The following BANP variants were observed in gnomAD, a reference collection of about 807,000 sequenced individuals.
The protein encoded by BANP is BTG3 associated nuclear protein.
A neutral mutation model predicts 68.1 loss-of-function variants in BANP; 11 were observed. That is an observed-to-expected ratio of 0.16 (90% CI 0.10 to 0.27). The LOEUF (loss-of-function observed/expected upper bound fraction) is 0.27, where lower values mean the gene tolerates loss of function less well. BANP is among the 10% of genes least tolerant of loss of function. BANP has a pLI of 1.00. For missense variants in BANP, 504 were observed against 722.7 expected, an observed-to-expected ratio of 0.70 and a Z score of 3.47; for synonymous variants, 329 against 303.2, an observed-to-expected ratio of 1.09 and a Z score of -0.88.
intron 3 of BANP, among the ~76,000 whole-genome samples, chr16:87,981,612 A>G (rs558102830): frequency 7.9e-5 from 12 of 152,382 alleles, no homozygotes; most frequent in Non-Finnish European, 1.6e-4. Flanking sequence ...ATGTGGCTAT[A>G]TCACCAGGCA....
At chr16:87,977,451 C>A (rs1204026938) in intron 2 of BANP, among the ~76,000 whole-genome samples, 16 of 151,836 alleles carry the variant, frequency 1.1e-4, no homozygotes, top group Admixed American at 8.5e-4. Flanking sequence ...GTGCACAGAG[C>A]TCCGAGGCCT....
intron 3 of BANP, 91 bp downstream of exon 3, chr16:87,981,218 A>G: frequency 1.1e-6 from 1 of 952,244 alleles, no homozygotes; most frequent in Non-Finnish European, 1.7e-6. Flanking sequence ...TGGCTTCAAA[A>G]TGTAGCCTCT....
At chr16:87,995,979 C>G (rs2152516568) in intron 4 of BANP, among the ~76,000 whole-genome samples, 1 of 152,268 alleles carries the variant, frequency 6.6e-6, no homozygotes, top group South Asian at 2.1e-4. Context: ...CGGGTTTGGC[C>G]CTGGGGCATT....
chr16:88,015,067 C>T (rs1222105057), intron 6 of BANP, among the ~76,000 whole-genome samples: 1 of 143,392 alleles, frequency 7.0e-6, no homozygotes, highest in Non-Finnish European at 1.5e-5. Flanking sequence ...AGCTCATGCC[C>T]TCTGCTCGTC....
Position 88,038,112 on chromosome 16 carries a change from A to G in BANP, c.1311+101A>G, listed in dbSNP as rs998410532. ...CGGTCAGGTGAGTGCCCTGGTCCCCATGTACATGTGGGCATTGCGCTGCCG... is the reference window on the plus strand; with the variant it reads ...CGGTCAGGTGAGTGCCCTGGTCCCCGTGTACATGTGGGCATTGCGCTGCCG... On this transcript the variant is annotated intron_variant, in intron 11 of 13. Coordinates refer to ENST00000682872, the MANE Select transcript of BANP (RefSeq NM_001386991.1). The G allele has an allele frequency of 6.7e-6, 5 of 751,350 alleles. No individual in the cohort carries two copies. The African/African-American group carries it at 1.1e-4, about 16-fold the overall frequency. The allele number at this position is 751,350 out of a possible 1,614,324, so 46.5% of individuals were successfully genotyped here. A position where few individuals can be genotyped will look rare whatever the true frequency, so the allele number is the denominator to read the frequency against.
At chr16:87,994,078 G>T (rs1290989267) in intron 4 of BANP, among the ~76,000 whole-genome samples, 2 of 152,196 alleles carry the variant, frequency 1.3e-5, no homozygotes, top group Non-Finnish European at 2.9e-5. Flanking sequence ...GAGGGCCCTG[G>T]TGTTGGAGAC....
At chr16:88,056,103 A>G (rs1227837740) in intron 11 of BANP, among the ~76,000 whole-genome samples, 2 of 152,156 alleles carry the variant, frequency 1.3e-5, no homozygotes, top group Non-Finnish European at 2.9e-5. Context: ...GCCCTGACTT[A>G]CAAAGGGAGG....
intron 1 of BANP, chr16:87,952,717 C>A (rs1002470139): frequency 6.6e-6 from 1 of 152,204 alleles, no homozygotes; most frequent in African/African-American, 2.4e-5. Context: ...CTTCCCGTGT[C>A]TGGCGATTAA....
chr16:88,047,178 C>T (rs541569192), intron 11 of BANP, among the ~76,000 whole-genome samples: 13 of 152,222 alleles, frequency 8.5e-5, no homozygotes, highest in Non-Finnish European at 1.6e-4. Flanking sequence ...GTTTAAAATC[C>T]CAAGCCAGAG....
chr16:87,968,851 C>T (rs1041292032), intron 1 of BANP, among the ~76,000 whole-genome samples: 3 of 151,986 alleles, frequency 2.0e-5, no homozygotes, highest in Non-Finnish European at 2.9e-5. Context: ...TTTTCCTGTC[C>T]GATCATTTTT....
At chr16:88,050,766 G>A (rs1402004441) in intron 11 of BANP, among the ~76,000 whole-genome samples, 2 of 152,076 alleles carry the variant, frequency 1.3e-5, no homozygotes, top group East Asian at 3.9e-4. Context: ...ACGGCTCACT[G>A]CAACCTCTGC....
At chr16:88,073,124 AAG>A (rs1399827370) in intron 13 of BANP, among the ~76,000 whole-genome samples, 1 of 152,126 alleles carries the variant, frequency 6.6e-6, no homozygotes, top group Non-Finnish European at 1.5e-5. Context: ...AGCCCTCGGG[AAG>A]AGAGGGGTCC....
At chr16:87,959,282 T>C (rs2058669326) in intron 1 of BANP, among the ~76,000 whole-genome samples, 1 of 152,258 alleles carries the variant, frequency 6.6e-6, no homozygotes, top group African/African-American at 2.4e-5. Context: ...AATATTGTTC[T>C]TTTGTTATTT....
At chr16:87,975,832 T>C (rs11642693) in intron 2 of BANP, among the ~76,000 whole-genome samples, 1 of 80,476 alleles carries the variant, frequency 1.2e-5, no homozygotes, top group East Asian at 2.1e-4. Context: ...CTTATCATGT[T>C]GTGTGTGTAA....
At chr16:88,020,872 C>G (rs927373571) in intron 7 of BANP, among the ~76,000 whole-genome samples, 3 of 152,180 alleles carry the variant, frequency 2.0e-5, no homozygotes, top group African/African-American at 7.2e-5. Context: ...AGGGAATGTT[C>G]CAGTGAGGTG....
rs1268645943 is a variant in BANP, at chr16:88,031,409, T to C, written c.1064-1700T>C. Among the ~76,000 whole-genome samples the C allele has an allele frequency of 6.6e-5, 10 of 152,144 alleles. No individual in the cohort carries two copies. In the East Asian group the frequency reaches 1.7e-3, roughly 26 times the overall value. On this transcript the variant is annotated intron_variant, in intron 8 of 13. Coordinates refer to ENST00000682872, the MANE Select transcript of BANP (RefSeq NM_001386991.1). ...CTATAATCCCAGCATTTTGGGAGGC[T>C]GAGGCAGGCGGATCATTTGAGGTCA... is the stretch of plus-strand genomic sequence containing the variant.
chr16:88,063,233 C>A (rs1264249247), intron 11 of BANP, among the ~76,000 whole-genome samples: 3 of 152,250 alleles, frequency 2.0e-5, no homozygotes, highest in African/African-American at 7.2e-5. Flanking sequence ...CCCCGGTTCC[C>A]TTATTTCTAG....
At position 87,967,685 on chromosome 16, in the gene BANP, A is replaced by G. The variant is rs574495856; in HGVS notation, c.-68-7363A>G. 5.2e-4 allele frequency among the ~76,000 whole-genome samples: 74 copies of G among 142,848 alleles called. No individual in the cohort carries two copies. The South Asian group carries it at 0.014, about 28-fold the overall frequency. 93.7% of individuals were successfully genotyped at this position (142,848 alleles called of 152,430 possible). A position where few individuals can be genotyped will look rare whatever the true frequency, so the allele number is the denominator to read the frequency against. ...CGCCCAGGCTGGAGTGCAGTGGCGC[A>G]GTCTTGGCTCATTGCAGCCTCCGCC... On this transcript the variant is annotated intron_variant, in intron 1 of 13. Coordinates refer to ENST00000682872, the MANE Select transcript of BANP (RefSeq NM_001386991.1).
Position 88,057,744 on chromosome 16 carries a change from C to T in BANP, c.1312-7523C>T, listed in dbSNP as rs1216292062. Among the ~76,000 whole-genome samples, 1 of 25,408 alleles carries T rather than the reference C, an allele frequency of 3.9e-5. No individual in the cohort carries two copies. The highest frequency in any genetic ancestry group is 1.7e-4 in the African/African-American group (1 of 6,024). The allele number at this position is 25,408 out of a possible 152,430, so 16.7% of individuals were successfully genotyped here. ...CAAGTAAGAGAGATGGCGGGGCCAT[C>T]TGGGTGGGGCGGGGGGGGGGGTGCG... On this transcript the variant is annotated intron_variant, in intron 11 of 13. Transcript: ENST00000682872. The surrounding 1 kb of genome is among the most constrained non-coding windows in gnomAD (Gnocchi z 4.6).
Sources: gnomAD v4.1 joint callset for allele counts (sites outside exome capture counted in the v4.1 genomes callset) on GRCh38, gnomAD v4.1.1 for gene constraint, Gnocchi (gnomAD v3.1) non-coding constraint, MANE v1.5 for transcripts, NCBI Gene and HGNC (gene_info 2026-07-23, HGNC 2026-07-21) for gene names.